Variants in CTNND1 observed in about 807,000 individuals in gnomAD.
CTNND1 encodes the protein catenin delta-1.
Under a neutral mutation model 112.1 loss-of-function variants are expected in CTNND1, and 16 were observed. That is an observed-to-expected ratio of 0.14 (90% CI 0.10 to 0.22). CTNND1 has a LOEUF of 0.22. CTNND1 is among the 10% of genes least tolerant of loss of function. CTNND1 has a pLI of 1.00. For missense variants in CTNND1, 1,008 were observed against 1,257.0 expected, an observed-to-expected ratio of 0.80 and a Z score of 3.00; for synonymous variants, 420 against 446.5, an observed-to-expected ratio of 0.94 and a Z score of 0.75.
Position 57,795,712 on chromosome 11 carries a change from C to A in CTNND1, c.403C>A (p.Arg135=), listed in dbSNP as rs189718729. The A allele has an allele frequency of 5.6e-6, 9 of 1,599,566 alleles. No homozygotes were observed. Residue 135 remains arginine (R), a synonymous_variant, in exon 5 of 21, where the codon CGG becomes AGG. Coordinates refer to ENST00000399050, the MANE Select transcript of CTNND1 (RefSeq NM_001085458.2). ...GGAGACCTCAGATGATGGGACCACT[C>A]GGCGCACAGAGACCACGGTAAACTA... ...SVETSDDGTT[R]RTETTVKKVV...
chr11:57,776,041 T>C (rs1218329373), intron 1 of CTNND1, among the ~76,000 whole-genome samples: 1 of 152,096 alleles, frequency 6.6e-6, no homozygotes, highest in Non-Finnish European at 1.5e-5. Context: ...GCGGGGTAAG[T>C]TGTGGAAAGG....
At chr11:57,790,285 G>A (rs757134003) in intron 2 of CTNND1, among the ~76,000 whole-genome samples, 10 of 152,004 alleles carry the variant, frequency 6.6e-5, no homozygotes, top group Non-Finnish European at 8.8e-5. Flanking sequence ...GGCCAGGCTG[G>A]TCTTGACCAA....
chr11:57,802,410 A>C (rs2062094799), intron 7 of CTNND1, among the ~76,000 whole-genome samples: 2 of 152,260 alleles, frequency 1.3e-5, no homozygotes, highest in Admixed American at 1.3e-4. Flanking sequence ...GATTTCACTT[A>C]AAATTCCAGA....
rs759375143 is a variant in CTNND1 at position 57,811,475 on chromosome 11, A to T, written c.2627A>T (p.Asn876Ile). 6.2e-7 allele frequency: 1 copy of T among 1,612,324 alleles called. No homozygotes were observed. The highest frequency in any genetic ancestry group is 1.3e-5 in the African/African-American group (1 of 74,848). Residue 876 changes from asparagine to isoleucine, a missense_variant, in exon 17 of 21, where the codon AAC (asparagine) becomes ATC (isoleucine). Asn to Ile is a moderately radical substitution (Grantham distance 149, BLOSUM62 -3). This residue lies in a region of CTNND1 where 106 missense variants were observed against 116.2 expected (regional missense o/e 0.91). Transcript: ENST00000399050. ...DDSTLPLIDR[N>I]QKSDKKPDRE... is the part of the protein sequence containing the mutation. The stretch of plus-strand genomic sequence containing the variant: ...AGTACTCTCCCTCTCATTGACCGGA[A>T]CCAAAAATCAGGTGCAGTATCCAGA...
At chr11:57,782,448 G>A (rs1316974696) in intron 1 of CTNND1, among the ~76,000 whole-genome samples, 1 of 152,200 alleles carries the variant, frequency 6.6e-6, no homozygotes, top group African/African-American at 2.4e-5. Context: ...AGCCTTCTGA[G>A]CCACAGTAGG....
intron 1 of CTNND1, 59 bp downstream of exon 1, chr11:57,762,178 C>A: frequency 1.2e-6 from 1 of 800,930 alleles, no homozygotes; most frequent in Non-Finnish European, 1.5e-6. Flanking sequence ...AACTTTTAAG[C>A]AATTATTTTT....
chr11:57,793,458 TTC>T (rs987162232), intron 3 of CTNND1, among the ~76,000 whole-genome samples: 3 of 152,168 alleles, frequency 2.0e-5, no homozygotes, highest in Admixed American at 2.0e-4. Flanking sequence ...TTAATTAAAT[TTC>T]TGTTTTTTAC....
At chr11:57,769,109 C>A (rs1427790873) in intron 1 of CTNND1, among the ~76,000 whole-genome samples, 3 of 151,324 alleles carry the variant, frequency 2.0e-5, no homozygotes. Flanking sequence ...GAGTTTGAGA[C>A]CAGCCTGGCC....
Position 57,791,478 on chromosome 11 carries a change from C to A in CTNND1, c.-1C>A. 1 of 1,512,202 alleles carries A rather than the reference C, an allele frequency of 6.6e-7. No individual in the cohort carries two copies. The highest frequency in any genetic ancestry group is 8.9e-7 in the Non-Finnish European group (1 of 1,126,802). The allele number at this position is 1,512,202 out of a possible 1,614,324, so 93.7% of individuals were successfully genotyped here. A position where few individuals can be genotyped will look rare whatever the true frequency, so the allele number is the denominator to read the frequency against. The stretch of plus-strand genomic sequence containing the variant: ...CTGCGGCGGCTCCGCCCCTTACCTT[C>A]ATGGACGACTCAGAGGTGGAGTCGA... On this transcript the variant is annotated 5_prime_UTR_variant, in exon 3 of 21. Transcript: ENST00000399050.
intron 1 of CTNND1, among the ~76,000 whole-genome samples, chr11:57,773,662 T>C (rs912238442): frequency 4.1e-4 from 61 of 148,482 alleles, no homozygotes; most frequent in Admixed American, 1.4e-3. Flanking sequence ...TTTGGCTGGG[T>C]GCAGTGGCTT....
At chr11:57,816,095 G>C (rs527557556) in intron 20 of CTNND1, 94 bp downstream of exon 20, 1 of 1,240,056 alleles carries the variant, frequency 8.1e-7, no homozygotes, top group African/African-American at 1.5e-5. Flanking sequence ...TCAGGCCAGA[G>C]ACTAAGTAGT....
At chr11:57,798,794 A>G (rs1376950482) in intron 6 of CTNND1, among the ~76,000 whole-genome samples, 1 of 152,222 alleles carries the variant, frequency 6.6e-6, no homozygotes, top group Non-Finnish European at 1.5e-5. Context: ...CAGGCCATGT[A>G]TCATCTTTGT....
At chr11:57,815,791 C>T in intron 19 of CTNND1, 124 bp from the exon 20 acceptor site, 1 of 834,994 alleles carries the variant, frequency 1.2e-6, no homozygotes, top group Admixed American at 2.2e-5. Context: ...GAATGTTTTG[C>T]CCTTCTCTTA....
At chr11:57,814,473 A>G (rs986410992) in intron 18 of CTNND1, 100 bp downstream of exon 18, 2 of 819,372 alleles carry the variant, frequency 2.4e-6, no homozygotes, top group South Asian at 3.2e-5. Context: ...CTTACCATTT[A>G]CCATCCTGGG....
intron 15 of CTNND1, 38 bp downstream of exon 15, chr11:57,809,504 G>A: frequency 3.9e-6 from 6 of 1,546,526 alleles, no homozygotes; most frequent in Non-Finnish European, 5.3e-6. Flanking sequence ...AAAAGAATTT[G>A]AGTGAGTGGA....
chr11:57,793,455 A>C (rs2060992569), intron 3 of CTNND1, among the ~76,000 whole-genome samples: 1 of 151,888 alleles, frequency 6.6e-6, no homozygotes, highest in South Asian at 2.1e-4. Flanking sequence ...TCTTTAATTA[A>C]ATTTCTGTTT....
At position 57,796,451 on chromosome 11, in the gene CTNND1, T is replaced by C. The variant is rs749521937; in HGVS notation, c.421-6T>C. ...AGTTTTTCTTTTTCTTGTTTCCTAC[T>C]TGCAGGTCAAGAAAGTAGTGAAGAC... is the stretch of plus-strand genomic sequence containing the variant. On this transcript the variant is annotated splice_polypyrimidine_tract_variant and splice_region_variant and intron_variant, in intron 5 of 20. Coordinates refer to ENST00000399050, the MANE Select transcript of CTNND1 (RefSeq NM_001085458.2). 1 of 1,564,972 alleles carries C rather than the reference T, an allele frequency of 6.4e-7. No individual in the cohort carries two copies. Among genetic ancestry groups the C allele is most frequent in the Non-Finnish European group, 8.6e-7 (1 of 1,158,538 alleles).
At position 57,794,005 on chromosome 11, in the gene CTNND1, T is replaced by G; in HGVS notation, c.196-5T>G. 1 of 1,613,996 alleles carries G rather than the reference T, an allele frequency of 6.2e-7. No homozygotes were observed. The highest frequency in any genetic ancestry group is 8.5e-7 in the Non-Finnish European group (1 of 1,179,874). On this transcript the variant is annotated splice_region_variant and splice_polypyrimidine_tract_variant and intron_variant, in intron 3 of 20. Coordinates refer to ENST00000399050, the MANE Select transcript of CTNND1 (RefSeq NM_001085458.2). Reference sequence around the variant, plus strand: ...TGAATTGTCTTCTTGTGGGCTGTGTTTCAGAACGGCCGGTTTGTGGGCGAT... The same window carrying G: ...TGAATTGTCTTCTTGTGGGCTGTGTGTCAGAACGGCCGGTTTGTGGGCGAT...
chr11:57,797,842 CAAAA>C (rs771815069), intron 6 of CTNND1, among the ~76,000 whole-genome samples: 1 of 68,912 alleles, frequency 1.5e-5, no homozygotes, highest in African/African-American at 6.2e-5. Context: ...AACTCCACCT[CAAAA>C]AAAAAAAAAA....
Sources: gnomAD v4.1 joint callset for allele counts (sites outside exome capture counted in the v4.1 genomes callset) on GRCh38, gnomAD v4.1.1 for gene constraint, gnomAD v4.1.1 regional missense constraint, MANE v1.5 for transcripts, NCBI Gene and HGNC (gene_info 2026-07-23, HGNC 2026-07-21) for gene names.